Variants in SRP72 observed in about 807,000 individuals in gnomAD.
The protein encoded by SRP72 is signal recognition particle 72, also known as signal recognition particle subunit SRP72.
SRP72 carries 49 observed loss-of-function variants against 96.3 expected under a neutral mutation model. That is an observed-to-expected ratio of 0.51 (90% confidence interval 0.40 to 0.65). The LOEUF is 0.65. Among genes scored for constraint, SRP72 ranks in the 30% least tolerant of loss-of-function variants. SRP72 has a pLI of 0.00. For missense variants in SRP72, 736 were observed against 793.3 expected (o/e 0.93, Z 0.87); for synonymous variants, 267 against 275.2 (o/e 0.97, Z 0.30).
In SRP72 at chr4:56,501,727, C is replaced by G. The variant is rs779372565; in HGVS notation, c.1882C>G (p.Pro628Ala). 6.2e-7 allele frequency: 1 copy of G among 1,614,142 alleles called. No individual in the cohort carries two copies. The highest frequency in any genetic ancestry group is 8.5e-7 in the Non-Finnish European group (1 of 1,180,020). ...GAGCAGCCCACCCACCTCCCCAAGA[C>G]CTGGCAGTGCTGCAACAGTATCTGC... Reference protein sequence around the residue: ...TVSSPPTSPRPGSAATVSAST... With the variant: ...TVSSPPTSPRAGSAATVSAST... Residue 628 changes from proline to alanine, a missense_variant, in exon 19 of 19, where the codon CCT (proline) becomes GCT (alanine). Pro to Ala is a conservative substitution (Grantham distance 27). Around this residue, in one of 3 missense-constraint regions of SRP72, gnomAD observed 388 missense variants for 431.8 expected, o/e 0.90. Coordinates refer to ENST00000642900, the MANE Select transcript of SRP72 (RefSeq NM_006947.4).
At chr4:56,474,586 C>A in intron 5 of SRP72, 195 bp downstream of exon 5, 1 of 602,228 alleles carries the variant, frequency 1.7e-6, no homozygotes, top group Non-Finnish European at 2.9e-6. Flanking sequence ...CCCTGTTGCC[C>A]AGGCTGGAGT....
intron 18 of SRP72, among the ~76,000 whole-genome samples, 200 bp from the exon 19 acceptor site, chr4:56,501,484 A>G (rs1721260585): frequency 6.6e-6 from 1 of 152,170 alleles, no homozygotes; most frequent in African/African-American, 2.4e-5. Flanking sequence ...CATGTGTACC[A>G]TGTTTTACTT....
At chr4:56,486,482 G>GT (rs1284798300) in intron 11 of SRP72, 85 bp downstream of exon 11, 10 of 1,105,624 alleles carry the variant, frequency 9.0e-6, no homozygotes, top group Admixed American at 2.9e-5. Context: ...GTGATTTTAA[G>GT]TTTTTTTGTG....
intron 18 of SRP72, 89 bp from the exon 19 acceptor site, chr4:56,501,595 A>T: frequency 9.0e-7 from 1 of 1,109,032 alleles, no homozygotes; most frequent in Admixed American, 2.7e-5. Flanking sequence ...GAGATTGTTA[A>T]GTGTGATAAG....
Position 56,484,026 on chromosome 4 carries a change from A to ATTTTTTTTTTT in SRP72, c.958-695_958-685dup, listed in dbSNP as rs539665243. 3.2e-3 allele frequency among the ~76,000 whole-genome samples: 279 copies of ATTTTTTTTTTT among 86,600 alleles called. 32 individuals are homozygous for ATTTTTTTTTTT. The highest frequency in any genetic ancestry group is 6.9e-3 in the African/African-American group (138 of 19,896). 56.8% of individuals were successfully genotyped at this position (86,600 alleles called of 152,430 possible). On this transcript the variant is annotated intron_variant, in intron 9 of 18. Coordinates refer to ENST00000642900, the MANE Select transcript of SRP72 (RefSeq NM_006947.4). ...TTTAGTGGGAGACAGAGAAGCAGTA[A>ATTTTTTTTTTT]TTTTTTTTTTTTTTTTTTTTTTTTT...
At chr4:56,475,950 C>G (rs1465697779) in intron 5 of SRP72, 1 of 152,068 alleles carries the variant, frequency 6.6e-6, no homozygotes, top group African/African-American at 2.4e-5. Flanking sequence ...CTAAATTTTA[C>G]CATAATCACA....
At chr4:56,481,944 G>T (rs1276412119) in intron 8 of SRP72, among the ~76,000 whole-genome samples, 1 of 150,882 alleles carries the variant, frequency 6.6e-6, no homozygotes, top group Non-Finnish European at 1.5e-5. Flanking sequence ...TGTATTTTTA[G>T]TAGAGATGGG....
intron 5 of SRP72, among the ~76,000 whole-genome samples, chr4:56,474,715 T>C (rs1720138307): frequency 2.0e-5 from 3 of 152,094 alleles, no homozygotes; most frequent in Admixed American, 2.0e-4. Context: ...AGCTAATTTT[T>C]GTATGTTTAG....
At chr4:56,469,994 A>T (rs1719907325) in intron 2 of SRP72, among the ~76,000 whole-genome samples, 2 of 130,922 alleles carry the variant, frequency 1.5e-5, no homozygotes, top group African/African-American at 3.0e-5. Flanking sequence ...TTTTTTAACC[A>T]CTGTGTTTCC....
chr4:56,479,336 T>C (rs1413455054), intron 8 of SRP72, among the ~76,000 whole-genome samples: 2 of 151,280 alleles, frequency 1.3e-5, no homozygotes, highest in Non-Finnish European at 3.0e-5. Flanking sequence ...CCCGCCACCA[T>C]GCCTGTCTAA....
chr4:56,469,266 C>A (rs964033210), intron 1 of SRP72, among the ~76,000 whole-genome samples: 1 of 152,188 alleles, frequency 6.6e-6, no homozygotes, highest in African/African-American at 2.4e-5. Context: ...AGGTCATTTG[C>A]TTCCAAATTC....
intron 17 of SRP72, among the ~76,000 whole-genome samples, chr4:56,497,722 T>G (rs1450947217): frequency 6.6e-6 from 1 of 152,090 alleles, no homozygotes; most frequent in African/African-American, 2.4e-5. Flanking sequence ...CTCTTGGGTT[T>G]CTGCAGGATA....
chr4:56,490,306 T>C (rs775079496), intron 13 of SRP72, 27 bp from the exon 14 acceptor site: 27 of 1,590,078 alleles, frequency 1.7e-5, no homozygotes, highest in Middle Eastern at 1.7e-4. Flanking sequence ...ACTTGAAACT[T>C]TTTTTTTCTT....
intron 2 of SRP72, among the ~76,000 whole-genome samples, chr4:56,470,544 A>C (rs1246674970): frequency 6.6e-6 from 1 of 152,092 alleles, no homozygotes; most frequent in African/African-American, 2.4e-5. Flanking sequence ...TCTCAAAAAA[A>C]AAAAAAAGTC....
At chr4:56,501,174 A>G (rs1481631700) in intron 18 of SRP72, among the ~76,000 whole-genome samples, 3 of 152,196 alleles carry the variant, frequency 2.0e-5, no homozygotes, top group African/African-American at 7.2e-5. Context: ...TTGGGAGGCC[A>G]AAGCAGGCAG....
Position 56,474,320 on chromosome 4 carries a change from A to G in SRP72, c.539A>G (p.Tyr180Cys), listed in dbSNP as rs746717973. ...CAAGAAGGCACACATGAGCTGTGCT[A>G]CAACACTGCATGTGCACTGATAGGC... ...GLQEGTHELC[Y>C]NTACALIGQG... The change falls in exon 5 of 19, where the codon TAC becomes TGC. Residue 180 changes from tyrosine (Y) to cysteine (C), a missense_variant. This residue lies in a region of SRP72 where 329 missense variants were observed against 319.0 expected (regional missense o/e 1.03). Coordinates refer to ENST00000642900, the MANE Select transcript of SRP72 (RefSeq NM_006947.4). 1.9e-6 allele frequency: 3 copies of G among 1,614,216 alleles called. No individual in the cohort carries two copies. Among genetic ancestry groups the G allele is most frequent in the Non-Finnish European group, 1.7e-6 (2 of 1,180,034 alleles).
chr4:56,480,958 A>G (rs1720459304), intron 8 of SRP72, among the ~76,000 whole-genome samples: 1 of 152,220 alleles, frequency 6.6e-6, no homozygotes, highest in South Asian at 2.1e-4. Context: ...TGTAGGGGAA[A>G]AGTGAGAACA....
At position 56,484,826 on chromosome 4, in the gene SRP72, C is replaced by T. The variant is rs770251024; in HGVS notation, c.1048C>T (p.Arg350Cys). ...PVLIQAAQLC[R>C]EKQHTKAIEL... ...GTTAATCCAAGCTGCCCAGCTCTGC[C>T]GTGAAAAGCAGCACACAAAAGCAAT... Residue 350 changes from arginine to cysteine, a missense_variant, in exon 10 of 19, where the codon CGT becomes TGT. Physicochemically the swap from Arg to Cys is radical, Grantham distance 180 (BLOSUM62 -3). This residue lies in a region of SRP72 where 388 missense variants were observed against 431.8 expected (regional missense o/e 0.90). Coordinates refer to ENST00000642900, the MANE Select transcript of SRP72 (RefSeq NM_006947.4). 32 of 1,613,706 alleles carry T rather than the reference C, an allele frequency of 2.0e-5. No homozygotes were observed. The highest frequency in any genetic ancestry group is 2.4e-5 in the Non-Finnish European group (28 of 1,179,980).
chr4:56,467,850 C>T, intron 1 of SRP72, 106 bp downstream of exon 1: 3 of 1,067,392 alleles, frequency 2.8e-6, no homozygotes, highest in Non-Finnish European at 3.8e-6. Context: ...AAGGGGAGAC[C>T]CCCGAAACCC....
Sources: gnomAD v4.1 joint callset for allele counts (sites outside exome capture counted in the v4.1 genomes callset) on GRCh38, gnomAD v4.1.1 for gene constraint, gnomAD v4.1.1 regional missense constraint, MANE v1.5 for transcripts, NCBI Gene and HGNC (gene_info 2026-07-23, HGNC 2026-07-21) for gene names.